Variants in CACNA1C observed in about 807,000 individuals in gnomAD.
The protein encoded by CACNA1C is voltage-dependent L-type calcium channel subunit alpha-1C.
CACNA1C carries 30 observed loss-of-function variants against 229.0 expected under a neutral mutation model. The ratio of observed to expected loss-of-function variants is 0.13; its 90% confidence interval spans 0.10 to 0.18. CACNA1C has a LOEUF of 0.18. Ranked by LOEUF, CACNA1C falls within the 10% of genes least tolerant of loss-of-function variation. The pLI is 1.00. For synonymous variants in CACNA1C, 1,114 were observed against 1,132.5 expected (o/e 0.98, Z 0.33); for missense variants, 1,658 against 2,845.0 (o/e 0.58, Z 9.49).
At chr12:2,256,088 C>CACGACCCTG (rs1439717910) in intron 3 of CACNA1C, among the ~76,000 whole-genome samples, 8 of 152,198 alleles carry the variant, frequency 5.3e-5, no homozygotes, top group African/African-American at 9.7e-5. Context: ...TTTACAATCA[C>CACGACCCTG]ACCTCCTGTT....
intron 8 of CACNA1C, among the ~76,000 whole-genome samples, chr12:2,511,989 CA>C (rs1845693315): frequency 6.6e-6 from 1 of 152,118 alleles, no homozygotes; most frequent in Non-Finnish European, 1.5e-5. Flanking sequence ...GGGCAGCCCC[CA>C]GGACATTTTC....
At chr12:2,663,190 A>G (rs930231395) in intron 34 of CACNA1C, among the ~76,000 whole-genome samples, 1 of 152,250 alleles carries the variant, frequency 6.6e-6, no homozygotes, top group Non-Finnish European at 1.5e-5. Flanking sequence ...AATACCAGAG[A>G]CAACCCACAA....
chr12:2,245,592 T>C (rs373230198), intron 3 of CACNA1C, among the ~76,000 whole-genome samples: 11 of 152,184 alleles, frequency 7.2e-5, no homozygotes, highest in African/African-American at 2.4e-4. Flanking sequence ...AAAATATTTA[T>C]CTTTATGACC....
At chr12:2,475,677 A>G (rs867710121) in intron 5 of CACNA1C, among the ~76,000 whole-genome samples, 4 of 152,254 alleles carry the variant, frequency 2.6e-5, no homozygotes, top group African/African-American at 9.6e-5. Context: ...TGATAATCAA[A>G]CACAGAAACT....
chr12:2,360,201 C>A (rs58081520), intron 3 of CACNA1C, among the ~76,000 whole-genome samples: 8,020 of 135,442 alleles, frequency 0.059, 363 homozygotes, highest in African/African-American at 0.089. Context: ...ACACACCCCA[C>A]CCCACCAGGA....
intron 38 of CACNA1C, among the ~76,000 whole-genome samples, chr12:2,670,157 TAC>T (rs2096481187): frequency 6.6e-6 from 1 of 152,122 alleles, no homozygotes; most frequent in African/African-American, 2.4e-5. Context: ...TTGAACCAAC[TAC>T]AGAGATGATT....
intron 3 of CACNA1C, among the ~76,000 whole-genome samples, chr12:2,370,437 G>A (rs1188976442): frequency 6.6e-6 from 1 of 152,142 alleles, no homozygotes; most frequent in East Asian, 1.9e-4. Flanking sequence ...AGCAAGAAAA[G>A]AGGAGAGAAC....
intron 1 of CACNA1C, among the ~76,000 whole-genome samples, chr12:2,064,185 C>T (rs370108988): frequency 5.9e-5 from 9 of 152,300 alleles, no homozygotes; most frequent in South Asian, 4.1e-4. Flanking sequence ...CAAAAAAAAC[C>T]GGTGTCTCTA....
chr12:2,369,338 A>C (rs2154537510), intron 3 of CACNA1C, among the ~76,000 whole-genome samples: 1 of 152,140 alleles, frequency 6.6e-6, no homozygotes, highest in East Asian at 1.9e-4. Context: ...AAGAAGTTTT[A>C]AGGAAGGTGG....
chr12:2,127,857 G>T (rs2090735048), intron 3 of CACNA1C, among the ~76,000 whole-genome samples: 1 of 152,172 alleles, frequency 6.6e-6, no homozygotes, highest in Non-Finnish European at 1.5e-5. Flanking sequence ...TTGGCACGTG[G>T]AGTAGTAATG....
intron 3 of CACNA1C, chr12:2,269,691 C>G (rs2154416535): frequency 6.6e-6 from 1 of 152,254 alleles, no homozygotes; most frequent in Non-Finnish European, 1.5e-5. Flanking sequence ...AAACAGAATT[C>G]TACACAGATG....
chr12:2,156,399 A>C (rs1043128493), intron 3 of CACNA1C, among the ~76,000 whole-genome samples: 1 of 152,250 alleles, frequency 6.6e-6, no homozygotes, highest in Non-Finnish European at 1.5e-5. Context: ...CCACACTAAC[A>C]TGATGGTAAA....
chr12:2,551,741 T>C (rs1165859763), intron 10 of CACNA1C, among the ~76,000 whole-genome samples: 1 of 152,124 alleles, frequency 6.6e-6, no homozygotes, highest in Non-Finnish European at 1.5e-5. Context: ...TGAAGACGGT[T>C]CCTGTTGGGG....
chr12:2,347,333 C>T (rs1454996820), intron 3 of CACNA1C, among the ~76,000 whole-genome samples: 2 of 152,256 alleles, frequency 1.3e-5, no homozygotes, highest in Admixed American at 1.3e-4. Flanking sequence ...TTTACATTTG[C>T]AGTTCAGCAT....
At chr12:2,363,134 A>G (rs1019822031) in intron 3 of CACNA1C, among the ~76,000 whole-genome samples, 29 of 152,196 alleles carry the variant, frequency 1.9e-4, no homozygotes, top group African/African-American at 6.5e-4. Context: ...CCCCTCACCC[A>G]AGAGCCAGTC....
At chr12:2,555,720 G>C (rs550051268) in intron 10 of CACNA1C, among the ~76,000 whole-genome samples, 2 of 152,226 alleles carry the variant, frequency 1.3e-5, no homozygotes, top group African/African-American at 4.8e-5. Context: ...GAGCAGTAAA[G>C]GCGCTTGGCT....
chr12:2,510,427 C>G (rs2099781104), intron 8 of CACNA1C, among the ~76,000 whole-genome samples: 1 of 152,184 alleles, frequency 6.6e-6, no homozygotes, highest in African/African-American at 2.4e-5. Context: ...CTCACACTCC[C>G]AAAACACATC....
intron 3 of CACNA1C, among the ~76,000 whole-genome samples, chr12:2,283,910 G>C (rs1192052867): frequency 1.3e-5 from 2 of 152,224 alleles, no homozygotes; most frequent in African/African-American, 4.8e-5. Flanking sequence ...GATATGGCTG[G>C]TGGGGAGGAG....
intron 1 of CACNA1C, among the ~76,000 whole-genome samples, chr12:2,092,219 C>T (rs2108637): frequency 0.67 from 102,523 of 152,060 alleles, 34,644 homozygotes; most frequent in African/African-American, 0.72. Context: ...GCCTCCTTCC[C>T]CCAGCCCCTA....
Sources: gnomAD v4.1 joint callset for allele counts (sites outside exome capture counted in the v4.1 genomes callset) on GRCh38, gnomAD v4.1.1 for gene constraint, MANE v1.5 for transcripts, NCBI Gene and HGNC (gene_info 2026-07-23, HGNC 2026-07-21) for gene names.